The following CADPS2 variants were observed in gnomAD, a reference collection of about 807,000 sequenced individuals.
CADPS2 encodes the protein calcium-dependent secretion activator 2.
CADPS2 carries 93 observed loss-of-function variants against 172.5 expected under a neutral mutation model. The ratio of observed to expected loss-of-function variants is 0.54; its 90% CI spans 0.46 to 0.64. CADPS2 has a LOEUF of 0.64. Among genes scored for constraint, CADPS2 ranks in the 30% least tolerant of loss-of-function variants. The pLI is 0.00. For synonymous variants in CADPS2, 546 were observed against 555.2 expected (o/e 0.98, Z 0.23); for missense variants, 1,420 against 1,565.9 (o/e 0.91, Z 1.57).
At chr7:122,773,461 T>A (rs1192596358) in intron 1 of CADPS2, among the ~76,000 whole-genome samples, 1 of 152,044 alleles carries the variant, frequency 6.6e-6, no homozygotes, top group Non-Finnish European at 1.5e-5. Flanking sequence ...GTTTAAACTT[T>A]AAAGATACCT....
intron 2 of CADPS2, chr7:122,702,070 T>G (rs1341008835): frequency 6.2e-7 from 1 of 1,613,652 alleles, no homozygotes; most frequent in Admixed American, 1.7e-5. Flanking sequence ...CTGTCTTTAT[T>G]TGACTTCGCC....
At chr7:122,701,696 A>G in intron 2 of CADPS2, 1 of 495,748 alleles carries the variant, frequency 2.0e-6, no homozygotes, top group Non-Finnish European at 3.5e-6. Flanking sequence ...TTATTTTTAA[A>G]ACACAAATTT....
rs138880754 is a variant in CADPS2 at position 122,433,683 on chromosome 7, G to A, written c.2476+4658C>T. ...TCCCCAAAGTGCTGGAATTACAGGC[G>A]TGAGCCATTGTGACTGGCCGATTTT... is the stretch of plus-strand genomic sequence containing the variant. On this transcript the variant is annotated intron_variant, in intron 17 of 29. Coordinates refer to ENST00000449022, the MANE Select transcript of CADPS2 (RefSeq NM_017954.11). 8.8e-3 allele frequency among the ~76,000 whole-genome samples: 1,339 copies of A among 152,286 alleles called. 10 individuals are homozygous for A. Among genetic ancestry groups the A allele is most frequent in the Non-Finnish European group, 0.012 (844 of 68,020 alleles).
At chr7:122,604,182 A>G (rs1040549507) in intron 6 of CADPS2, among the ~76,000 whole-genome samples, 1 of 152,062 alleles carries the variant, frequency 6.6e-6, no homozygotes, top group Non-Finnish European at 1.5e-5. Flanking sequence ...CAAAACATGA[A>G]CTTATTTACC....
intron 3 of CADPS2, among the ~76,000 whole-genome samples, chr7:122,652,915 T>C (rs1242907087): frequency 2.6e-5 from 4 of 152,104 alleles, no homozygotes; most frequent in Non-Finnish European, 5.9e-5. Flanking sequence ...GTTTTAAAAG[T>C]TTCCTTCATG....
intron 25 of CADPS2, among the ~76,000 whole-genome samples, chr7:122,363,287 T>TGCCACGAG (rs1347347481): frequency 6.6e-6 from 1 of 152,210 alleles, no homozygotes; most frequent in Non-Finnish European, 1.5e-5. Flanking sequence ...TGATCTCATT[T>TGCCACGAG]GCCACGAGGA....
intron 15 of CADPS2, among the ~76,000 whole-genome samples, chr7:122,449,595 G>C (rs1216299629): frequency 6.6e-6 from 1 of 152,122 alleles, no homozygotes; most frequent in African/African-American, 2.4e-5. Context: ...TTATAGGTTT[G>C]AGCTACCACA....
At chr7:122,428,654 A>G (rs1203696750) in intron 17 of CADPS2, among the ~76,000 whole-genome samples, 1 of 151,868 alleles carries the variant, frequency 6.6e-6, no homozygotes, top group East Asian at 1.9e-4. Flanking sequence ...TTTTTAGTAG[A>G]GATGGGGTTT....
At chr7:122,659,391 A>G (rs1356132053) in intron 3 of CADPS2, among the ~76,000 whole-genome samples, 1 of 152,010 alleles carries the variant, frequency 6.6e-6, no homozygotes, top group Non-Finnish European at 1.5e-5. Flanking sequence ...TTGCTGAGGA[A>G]AGAATCAGTG....
At chr7:122,361,302 T>G (rs1039785958) in intron 25 of CADPS2, among the ~76,000 whole-genome samples, 2 of 150,310 alleles carry the variant, frequency 1.3e-5, no homozygotes, top group African/African-American at 4.9e-5. Flanking sequence ...GGCGTGATCT[T>G]GGCTCACTGC....
chr7:122,383,941 C>T (rs991101107), intron 24 of CADPS2, among the ~76,000 whole-genome samples: 13 of 152,134 alleles, frequency 8.5e-5, no homozygotes, highest in African/African-American at 3.1e-4. Context: ...GTGTTTTCAC[C>T]TTCATCCTCA....
At chr7:122,620,390 G>A (rs974128958) in intron 5 of CADPS2, among the ~76,000 whole-genome samples, 1 of 152,068 alleles carries the variant, frequency 6.6e-6, no homozygotes, top group African/African-American at 2.4e-5. Flanking sequence ...CCTGACATAA[G>A]TTCTTTCTCC....
chr7:122,386,625 T>C (rs2043717987), intron 24 of CADPS2, among the ~76,000 whole-genome samples: 2 of 152,098 alleles, frequency 1.3e-5, no homozygotes, highest in South Asian at 2.1e-4. Flanking sequence ...AAATGGAAGC[T>C]ACTGTGTAAA....
chr7:122,817,525 T>C (rs1451753230), intron 1 of CADPS2, among the ~76,000 whole-genome samples: 1 of 152,114 alleles, frequency 6.6e-6, no homozygotes, highest in Non-Finnish European at 1.5e-5. Context: ...CTTCCCTTGG[T>C]GTTTAATCAT....
chr7:122,400,629 G>T (rs961054156), intron 20 of CADPS2, among the ~76,000 whole-genome samples: 1 of 152,168 alleles, frequency 6.6e-6, no homozygotes, highest in Non-Finnish European at 1.5e-5. Context: ...CTGGGGATTA[G>T]AGTTAAATAC....
chr7:122,528,110 A>AGTGGTG (rs71159802), intron 8 of CADPS2, among the ~76,000 whole-genome samples: 5,391 of 129,854 alleles, frequency 0.042, 129 homozygotes, highest in South Asian at 0.054. Flanking sequence ...TGAAGGCATT[A>AGTGGTG]GTGGTGGTGG....
At chr7:122,663,862 A>G (rs59895150) in intron 2 of CADPS2, among the ~76,000 whole-genome samples, 23 of 152,274 alleles carry the variant, frequency 1.5e-4, no homozygotes, top group African/African-American at 5.5e-4. Flanking sequence ...CTTTAGAGTG[A>G]TGTCCTTATG....
At chr7:122,686,462 TTCTTAAACTCGAGTACGCA>T (rs2083637124) in intron 2 of CADPS2, among the ~76,000 whole-genome samples, 1 of 152,118 alleles carries the variant, frequency 6.6e-6, no homozygotes, top group African/African-American at 2.4e-5. Context: ...CTAAGTGAGG[TTCTTAAACTCGAGTACGCA>T]TTAGAATCAG....
At chr7:122,479,122 G>T (rs1298074822) in intron 12 of CADPS2, among the ~76,000 whole-genome samples, 1 of 152,108 alleles carries the variant, frequency 6.6e-6, no homozygotes, top group Non-Finnish European at 1.5e-5. Flanking sequence ...TCACTCTGGT[G>T]TCTGGGAGTG....
Sources: gnomAD v4.1 joint callset for allele counts (sites outside exome capture counted in the v4.1 genomes callset) on GRCh38, gnomAD v4.1.1 for gene constraint, MANE v1.5 for transcripts, NCBI Gene and HGNC (gene_info 2026-07-23, HGNC 2026-07-21) for gene names.